Variants in NELL1 observed in about 807,000 individuals in gnomAD.
NELL1 encodes neural EGFL like 1.
A neutral mutation model predicts 107.4 loss-of-function variants in NELL1; 76 were observed. That is an observed-to-expected ratio of 0.71 (90% confidence interval 0.59 to 0.86). The LOEUF (loss-of-function observed/expected upper bound fraction) is 0.86, where lower values mean the gene tolerates loss of function less well. Ranked by LOEUF, NELL1 falls within the 40% of genes least tolerant of loss-of-function variation. The pLI is 0.00. For missense variants in NELL1, 1,024 were observed against 1,005.5 expected, an observed-to-expected ratio of 1.02 and a Z score of -0.25; for synonymous variants, 353 against 341.2, an observed-to-expected ratio of 1.03 and a Z score of -0.38.
rs1355992278 is a variant in NELL1, at chr11:21,565,895, T to C, written c.1981-4869T>C. 2.6e-5 allele frequency among the ~76,000 whole-genome samples: 4 copies of C among 152,060 alleles called. No homozygotes were observed. In the South Asian group the frequency reaches 6.2e-4, roughly 24 times the overall value. Reference sequence around the variant, plus strand: ...TGACCTGAAGGCAAAATTAATACTTTGTAAAAAGATTGGAAATCACAGCTC... The same window carrying C: ...TGACCTGAAGGCAAAATTAATACTTCGTAAAAAGATTGGAAATCACAGCTC... On this transcript the variant is annotated intron_variant, in intron 17 of 19. Transcript: ENST00000357134.
At chr11:21,473,510 G>A (rs985531776) in intron 15 of NELL1, among the ~76,000 whole-genome samples, 1 of 151,960 alleles carries the variant, frequency 6.6e-6, no homozygotes, top group East Asian at 1.9e-4. Flanking sequence ...TTTCTAAGAA[G>A]TGACCCTAAT....
In NELL1 at chr11:20,757,162, GT is replaced by G. The variant is rs1205844816; in HGVS notation, c.185-26506del. On this transcript the variant is annotated intron_variant, in intron 2 of 19. Coordinates refer to ENST00000357134, the MANE Select transcript of NELL1 (RefSeq NM_006157.5). The stretch of plus-strand genomic sequence containing the variant: ...CTGGCTTCATTTTCCTTTACACTTA[GT>G]TTTTTTTTTTTAAATATAATTTTAA... Among the ~76,000 whole-genome samples the G allele has an allele frequency of 6.2e-3, 857 of 138,128 alleles. 6 individuals carry two copies. The highest frequency in any genetic ancestry group is 0.019 in the African/African-American group (713 of 37,566). The allele number at this position is 138,128 out of a possible 152,430, so 90.6% of individuals were successfully genotyped here. A position where few individuals can be genotyped will look rare whatever the true frequency, so the allele number is the denominator to read the frequency against.
intron 2 of NELL1, among the ~76,000 whole-genome samples, chr11:20,751,004 T>C (rs1490347917): frequency 6.6e-6 from 1 of 151,430 alleles, no homozygotes; most frequent in Non-Finnish European, 1.5e-5. Flanking sequence ...TCATTGACTT[T>C]GTCAAAAATT....
intron 12 of NELL1, among the ~76,000 whole-genome samples, chr11:20,993,878 A>G (rs1427701805): frequency 1.5e-5 from 2 of 134,862 alleles, no homozygotes; most frequent in East Asian, 4.5e-4. Context: ...AGCTGACTGC[A>G]TTGTCTTTGT....
chr11:21,298,315 A>G (rs978489559), intron 14 of NELL1, among the ~76,000 whole-genome samples: 2 of 151,898 alleles, frequency 1.3e-5, no homozygotes, highest in African/African-American at 4.8e-5. Context: ...TTCTATCTCA[A>G]TGTCAGTTTC....
chr11:21,079,488 T>A (rs1157672105), intron 12 of NELL1, among the ~76,000 whole-genome samples: 2 of 152,050 alleles, frequency 1.3e-5, no homozygotes, highest in African/African-American at 4.8e-5. Context: ...TAGAAAACAC[T>A]AGTCATGTTT....
intron 13 of NELL1, among the ~76,000 whole-genome samples, chr11:21,122,958 A>T (rs1265295494): frequency 2.0e-5 from 3 of 152,162 alleles, no homozygotes; most frequent in Non-Finnish European, 4.4e-5. Flanking sequence ...CTAACTTTTT[A>T]CTTGGTTATT....
At chr11:21,517,546 A>G (rs1051064867) in intron 15 of NELL1, among the ~76,000 whole-genome samples, 2 of 152,146 alleles carry the variant, frequency 1.3e-5, no homozygotes, top group African/African-American at 4.8e-5. Flanking sequence ...AATCTTCGGA[A>G]TGTATGACCT....
intron 14 of NELL1, among the ~76,000 whole-genome samples, chr11:21,246,596 T>A (rs1858498350): frequency 6.6e-6 from 1 of 152,172 alleles, no homozygotes; most frequent in Non-Finnish European, 1.5e-5. Flanking sequence ...CGATATGGCC[T>A]ATTTTTTCTA....
At chr11:21,265,710 T>C (rs57271408) in intron 14 of NELL1, among the ~76,000 whole-genome samples, 3,290 of 152,118 alleles carry the variant, frequency 0.022, 136 homozygotes, top group African/African-American at 0.075. Context: ...GGCAAATCTT[T>C]GGTATAAAAT....
chr11:21,208,260 A>T (rs1857429710), intron 13 of NELL1, among the ~76,000 whole-genome samples: 1 of 152,012 alleles, frequency 6.6e-6, no homozygotes, highest in Admixed American at 6.6e-5. Context: ...GTAATAAAAG[A>T]TACGTATTAT....
intron 14 of NELL1, among the ~76,000 whole-genome samples, chr11:21,251,549 C>T (rs1310046506): frequency 2.8e-4 from 42 of 151,946 alleles, no homozygotes; most frequent in Admixed American, 2.7e-3. Context: ...CCACCTCCAC[C>T]CGCCATCAAC....
intron 15 of NELL1, among the ~76,000 whole-genome samples, chr11:21,459,370 A>AAAAAAAAT (rs1853840220): frequency 6.6e-6 from 1 of 151,134 alleles, no homozygotes. Flanking sequence ...AAAAAAAAAA[A>AAAAAAAAT]GTAGGATTTG....
intron 14 of NELL1, among the ~76,000 whole-genome samples, chr11:21,271,981 C>A (rs1249342052): frequency 6.6e-6 from 1 of 152,070 alleles, no homozygotes; most frequent in African/African-American, 2.4e-5. Flanking sequence ...ATGAGCGATG[C>A]AGAAGATGGG....
chr11:20,883,409 G>A (rs538028007), intron 4 of NELL1, among the ~76,000 whole-genome samples: 12 of 152,134 alleles, frequency 7.9e-5, no homozygotes, highest in African/African-American at 2.9e-4. Flanking sequence ...TTGATTAAGG[G>A]CCTACTCTGC....
intron 12 of NELL1, among the ~76,000 whole-genome samples, chr11:21,108,056 A>C (rs1042289448): frequency 3.3e-5 from 5 of 152,154 alleles, no homozygotes; most frequent in African/African-American, 1.2e-4. Flanking sequence ...TGAGAGGCAC[A>C]CAGTGCTTGA....
intron 15 of NELL1, among the ~76,000 whole-genome samples, chr11:21,417,600 A>C (rs541925656): frequency 6.6e-6 from 1 of 152,054 alleles, no homozygotes; most frequent in Non-Finnish European, 1.5e-5. Flanking sequence ...ATTTTACCAC[A>C]TAAAGTTGAT....
intron 13 of NELL1, among the ~76,000 whole-genome samples, chr11:21,163,427 G>A (rs892860316): frequency 1.3e-5 from 2 of 152,296 alleles, no homozygotes; most frequent in Admixed American, 1.3e-4. Flanking sequence ...TAAATCAATG[G>A]TAGTTAAGAT....
intron 14 of NELL1, among the ~76,000 whole-genome samples, chr11:21,293,029 T>C (rs1194140619): frequency 6.6e-6 from 1 of 152,132 alleles, no homozygotes; most frequent in Non-Finnish European, 1.5e-5. Context: ...AAAGTCTTCA[T>C]GACTCAAACA....
Sources: gnomAD v4.1 joint callset for allele counts (sites outside exome capture counted in the v4.1 genomes callset) on GRCh38, gnomAD v4.1.1 for gene constraint, MANE v1.5 for transcripts, NCBI Gene and HGNC (gene_info 2026-07-23, HGNC 2026-07-21) for gene names.